Variants in RBFOX3 observed in about 807,000 individuals in gnomAD.
The protein encoded by RBFOX3 is RNA binding protein fox-1 homolog 3.
In RBFOX3, 17 loss-of-function variants were observed where a neutral mutation model predicts 48.7. The observed-to-expected ratio is 0.35, with a 90% CI of 0.24 to 0.52. RBFOX3 has a LOEUF of 0.52. Ranked by LOEUF, RBFOX3 falls within the 20% of genes least tolerant of loss-of-function variation. The probability of loss-of-function intolerance (pLI) is 0.94; values close to 1 mark genes in which losing one functional copy is unlikely to be tolerated. For missense variants in RBFOX3, 382 were observed against 497.5 expected (o/e 0.77, Z 2.21); for synonymous variants, 212 against 209.5 (o/e 1.01, Z -0.10).
At chr17:79,637,710 G>C in the RBFOX3 span, among the ~76,000 whole-genome samples, 25 of 144,996 alleles carry the variant, frequency 1.7e-4, no homozygotes, top group Admixed American at 3.5e-4. Context: ...GGGAAGGGAA[G>C]GGGAGCGAAG....
chr17:79,161,703 C>A (rs111417435), intron 4 of RBFOX3, among the ~76,000 whole-genome samples: 5,686 of 152,300 alleles, frequency 0.037, 123 homozygotes, highest in Non-Finnish European at 0.046. Context: ...TCAAGCGATT[C>A]TCCTGCCTCA....
chr17:79,315,989 G>A (rs187474156), intron 2 of RBFOX3, among the ~76,000 whole-genome samples: 71 of 152,272 alleles, frequency 4.7e-4, no homozygotes, highest in Admixed American at 4.0e-3. Flanking sequence ...TTTGGGGGAG[G>A]AAAGCTATTT....
intron 2 of RBFOX3, among the ~76,000 whole-genome samples, chr17:79,331,975 G>A (rs1030636682): frequency 2.0e-5 from 3 of 152,226 alleles, no homozygotes; most frequent in East Asian, 1.9e-4. Flanking sequence ...ACTTCCTGCT[G>A]CTCTAGACTA....
rs565771660 is a variant in RBFOX3 at position 79,466,329 on chromosome 17, G to A, written c.-175+16125C>T. On this transcript the variant is annotated intron_variant, in intron 2 of 14. Transcript: ENST00000693108. ...GGAAGAGTCCTGGGGGGCGGGGGGC[G>A]AGCACAGGCAGTGGAAGGGAAGCAA... 4.0e-4 allele frequency among the ~76,000 whole-genome samples: 61 copies of A among 152,336 alleles called. No individual in the cohort carries two copies. In the South Asian group the frequency reaches 6.4e-3, roughly 16 times the overall value.
rs1043989268 is a variant in RBFOX3, at chr17:79,199,288, A to C, written c.-34+36478T>G. ...ACCACCCACCAGCCCCTTCCGGTGGACTTCACACCTGCACGGCACCTCCTG... is the reference window on the plus strand; with the variant it reads ...ACCACCCACCAGCCCCTTCCGGTGGCCTTCACACCTGCACGGCACCTCCTG... On this transcript the variant is annotated intron_variant, in intron 4 of 14. Coordinates refer to ENST00000693108, the MANE Select transcript of RBFOX3 (RefSeq NM_001350451.2). The surrounding 1 kb of genome is among the most constrained non-coding windows in gnomAD (Gnocchi z 5.1). Among the ~76,000 whole-genome samples the C allele has an allele frequency of 3.3e-5, 5 of 152,214 alleles. No individual in the cohort carries two copies. The highest frequency in any genetic ancestry group is 1.2e-4 in the African/African-American group (5 of 41,516).
At chr17:79,139,416 T>G (rs1470273312) in intron 4 of RBFOX3, among the ~76,000 whole-genome samples, 5 of 152,262 alleles carry the variant, frequency 3.3e-5, no homozygotes, top group African/African-American at 7.2e-5. Context: ...CTGCACTTCC[T>G]GCTGTGACTG....
chr17:79,326,183 G>A (rs1362237621), intron 2 of RBFOX3, among the ~76,000 whole-genome samples: 1 of 152,180 alleles, frequency 6.6e-6, no homozygotes, highest in African/African-American at 2.4e-5. Flanking sequence ...GGGGATGGGG[G>A]TGGATGGTGG....
intron 1 of RBFOX3, among the ~76,000 whole-genome samples, chr17:79,500,250 CTTTTTTTTTTT>C (rs1222646327): frequency 4.8e-5 from 5 of 104,244 alleles, no homozygotes; most frequent in African/African-American, 1.9e-4. Context: ...AGAGAAATGA[CTTTTTTTTTTT>C]TTTTTTTTTT....
At chr17:79,125,933 T>A (rs1211703583) in intron 4 of RBFOX3, among the ~76,000 whole-genome samples, 5 of 152,230 alleles carry the variant, frequency 3.3e-5, no homozygotes, top group African/African-American at 7.2e-5. Flanking sequence ...GTCACCTGCC[T>A]GCCCAAGAGG....
chr17:79,635,733 G>C, the RBFOX3 span, among the ~76,000 whole-genome samples: 1 of 152,026 alleles, frequency 6.6e-6, no homozygotes, highest in Non-Finnish European at 1.5e-5. Flanking sequence ...AAAAAGTTAC[G>C]GCAAATTAAG....
At chr17:79,436,776 C>A (rs560746076) in intron 2 of RBFOX3, among the ~76,000 whole-genome samples, 42 of 152,274 alleles carry the variant, frequency 2.8e-4, no homozygotes, top group Non-Finnish European at 4.9e-4. Flanking sequence ...CCGATTCCAA[C>A]GCAGCCCTGT....
At chr17:79,432,512 G>A (rs1466365405) in intron 2 of RBFOX3, among the ~76,000 whole-genome samples, 5 of 152,172 alleles carry the variant, frequency 3.3e-5, no homozygotes, top group Admixed American at 6.5e-5. Flanking sequence ...AGGGTCGCGA[G>A]CAGCCTTTTA....
chr17:79,655,167 C>T, the RBFOX3 span, among the ~76,000 whole-genome samples: 1 of 152,154 alleles, frequency 6.6e-6, no homozygotes, highest in Non-Finnish European at 1.5e-5. Context: ...CTGCACTGGT[C>T]CCTGGGGCCA....
chr17:79,263,496 G>A (rs974619995), intron 3 of RBFOX3, among the ~76,000 whole-genome samples: 3 of 152,218 alleles, frequency 2.0e-5, no homozygotes, highest in African/African-American at 7.2e-5. Context: ...CTGGCTGGGA[G>A]AGTCCCGTGC....
At chr17:79,529,538 C>T (rs1255542683) in intron 1 of RBFOX3, among the ~76,000 whole-genome samples, 4 of 152,238 alleles carry the variant, frequency 2.6e-5, no homozygotes, top group South Asian at 4.2e-4. Flanking sequence ...CATGGCACCC[C>T]GGGAGGGAGG....
chr17:79,112,596 G>A (rs1371131430), intron 5 of RBFOX3, among the ~76,000 whole-genome samples: 2 of 152,138 alleles, frequency 1.3e-5, no homozygotes, highest in African/African-American at 4.8e-5. Flanking sequence ...ATCAGCCCCA[G>A]GTCCTAGAAC....
chr17:79,518,478 C>T (rs2085574933), intron 1 of RBFOX3, among the ~76,000 whole-genome samples: 1 of 152,274 alleles, frequency 6.6e-6, no homozygotes, highest in Admixed American at 6.5e-5. Context: ...GCCTTGTACA[C>T]GAGTTTCCCT....
At chr17:79,154,937 C>A (rs2045435032) in intron 4 of RBFOX3, among the ~76,000 whole-genome samples, 1 of 152,158 alleles carries the variant, frequency 6.6e-6, no homozygotes, top group South Asian at 2.1e-4. Context: ...TCCTGCGCCT[C>A]CCAGGACACC....
At chr17:79,180,110 C>T (rs1213139074) in intron 4 of RBFOX3, among the ~76,000 whole-genome samples, 1 of 152,204 alleles carries the variant, frequency 6.6e-6, no homozygotes, top group African/African-American at 2.4e-5. Context: ...ATGGTCGGAA[C>T]TCAGAAATAT....
Sources: allele counts gnomAD v4.1 joint callset (sites outside exome capture counted in the v4.1 genomes callset), GRCh38; gene constraint gnomAD v4.1.1; non-coding constraint Gnocchi (gnomAD v3.1); transcripts MANE v1.5; gene names NCBI Gene and HGNC (gene_info 2026-07-23, HGNC 2026-07-21).